FAM161A: variants seen among roughly 807,000 people sequenced by gnomAD.
FAM161A encodes the protein FAM161 centrosomal protein A.
Under a neutral mutation model 70.9 loss-of-function variants are expected in FAM161A, and 57 were observed. The ratio of observed to expected loss-of-function variants is 0.80; its 90% CI spans 0.65 to 1.00. The LOEUF (loss-of-function observed/expected upper bound fraction) is 1.00, where lower values mean the gene tolerates loss of function less well. Ranked by LOEUF, FAM161A falls within the 50% of genes least tolerant of loss-of-function variation. The pLI is 0.00. For missense variants in FAM161A, 880 were observed against 836.0 expected (o/e 1.05, Z -0.65); for synonymous variants, 299 against 295.7 (o/e 1.01, Z -0.12).
intron 5 of FAM161A, among the ~76,000 whole-genome samples, chr2:61,833,196 A>G (rs1262564987): frequency 1.3e-5 from 2 of 152,080 alleles, no homozygotes; most frequent in Non-Finnish European, 2.9e-5. Context: ...AGGCCAATGC[A>G]GACGGATCAT....
chr2:61,839,969 A>T lies in FAM161A; in HGVS notation c.1035T>A (p.Phe345Leu). ...GATTTGTTTTCTTTTTATACTTAAG[A>T]AAGTCTCTCAGCTGCTTTTCCCGGG... ...RAAREKQLRD[F>L]LKYKKKTNRF... The change falls in exon 3 of 7, where the codon TTT becomes TTA. Residue 345 changes from phenylalanine (F) to leucine (L), a missense_variant. Physicochemically the swap from Phe to Leu is conservative, Grantham distance 22. Transcript: ENST00000404929. The T allele has an allele frequency of 6.2e-7, 1 of 1,614,042 alleles. No homozygotes were observed. The highest frequency in any genetic ancestry group is 1.3e-5 in the African/African-American group (1 of 74,920).
At chr2:61,830,534 A>T (rs1402055331) in intron 5 of FAM161A, among the ~76,000 whole-genome samples, 3 of 151,894 alleles carry the variant, frequency 2.0e-5, no homozygotes, top group Non-Finnish European at 4.4e-5. Context: ...TACAAAAAAA[A>T]TTAGCCGGGC....
At chr2:61,838,881 TTTATTTATTTA>T (rs1672878383) in intron 3 of FAM161A, among the ~76,000 whole-genome samples, 176 bp from the exon 4 acceptor site, 2 of 144,420 alleles carry the variant, frequency 1.4e-5, no homozygotes, top group Non-Finnish European at 3.0e-5. Context: ...TATTTATTTA[TTTATTTATTTA>T]TTTTTTTTGA....
At chr2:61,820,073 T>C (rs937810495), downstream of FAM161A, 3 of 311,838 alleles carry the variant, frequency 9.6e-6, no homozygotes, top group South Asian at 5.0e-5. Flanking sequence ...TTATACAGTA[T>C]ATTTAATGAT....
chr2:61,849,251 G>A (rs981827340), intron 1 of FAM161A, among the ~76,000 whole-genome samples: 3 of 147,072 alleles, frequency 2.0e-5, no homozygotes, highest in Non-Finnish European at 4.4e-5. Flanking sequence ...TGAAACAGTG[G>A]CTACCATTAG....
downstream of FAM161A, among the ~76,000 whole-genome samples, chr2:61,823,093 G>C (rs538586618): frequency 7.9e-5 from 12 of 151,470 alleles, no homozygotes; most frequent in African/African-American, 2.9e-4. Context: ...CCAGCACTTT[G>C]GGAGGCCGAG....
chr2:61,826,315 T>G lies in FAM161A; in HGVS notation c.*140A>C. Reference sequence around the variant, plus strand: ...AATGACCAATCAGCTGGATTCAGGCTTTTCAGGCTACAGATGACTTTGATC... The same window carrying G: ...AATGACCAATCAGCTGGATTCAGGCGTTTCAGGCTACAGATGACTTTGATC... On this transcript the variant is annotated 3_prime_UTR_variant, in exon 7 of 7. Transcript: ENST00000404929. 1.1e-6 allele frequency: 1 copy of G among 908,864 alleles called. No individual in the cohort carries two copies. The highest frequency in any genetic ancestry group is 1.8e-6 in the Non-Finnish European group (1 of 563,146). 56.3% of individuals were successfully genotyped at this position (908,864 alleles called of 1,614,324 possible). A position where few individuals can be genotyped will look rare whatever the true frequency, so the allele number is the denominator to read the frequency against.
chr2:61,828,584 T>C (rs573300429), intron 5 of FAM161A, among the ~76,000 whole-genome samples: 25 of 152,270 alleles, frequency 1.6e-4, no homozygotes, highest in Non-Finnish European at 3.7e-4. Flanking sequence ...GGCCTTGGCC[T>C]CCCAAAGTGC....
intron 1 of FAM161A, among the ~76,000 whole-genome samples, chr2:61,843,461 T>C (rs988506564): frequency 6.6e-6 from 1 of 152,204 alleles, no homozygotes; most frequent in Non-Finnish European, 1.5e-5. Flanking sequence ...ACTAAAGAGA[T>C]AAAACCCCAT....
At chr2:61,844,948 C>G (rs1384578467) in intron 1 of FAM161A, among the ~76,000 whole-genome samples, 1 of 152,086 alleles carries the variant, frequency 6.6e-6, no homozygotes, top group African/African-American at 2.4e-5. Context: ...ACAAAGTTTG[C>G]CAGATCAGGG....
downstream of FAM161A, among the ~76,000 whole-genome samples, chr2:61,822,150 G>T (rs576974734): frequency 6.6e-6 from 1 of 151,590 alleles, no homozygotes; most frequent in African/African-American, 2.4e-5. Flanking sequence ...GTTATTCCTG[G>T]CCAGGCACAG....
At chr2:61,844,127 A>C (rs1053117760) in intron 1 of FAM161A, among the ~76,000 whole-genome samples, 1 of 152,240 alleles carries the variant, frequency 6.6e-6, no homozygotes, top group African/African-American at 2.4e-5. Context: ...TAGGCGACAG[A>C]GCGAGACTCT....
At chr2:61,822,735 T>C (rs965234535), downstream of FAM161A, among the ~76,000 whole-genome samples, 1 of 152,052 alleles carries the variant, frequency 6.6e-6, no homozygotes, top group Non-Finnish European at 1.5e-5. Flanking sequence ...TATAGGCATA[T>C]GCTACCACAC....
rs1252944847 is a variant in FAM161A at position 61,840,004 on chromosome 2, T to C, written c.1000A>G (p.Lys334Glu). The part of the protein sequence containing the change: ...PFKFIAREEQ[K>E]RAAREKQLRD... ...AGCTGCTTTTCCCGGGCTGCTCGCT[T>C]CTGTTCCTCCCTTGCTATAAATTTA... The change falls in exon 3 of 7, where the codon AAG becomes GAG. Residue 334 changes from lysine (K) to glutamate (E), a missense_variant. Coordinates refer to ENST00000404929, the MANE Select transcript of FAM161A (RefSeq NM_001201543.2). 6.2e-7 allele frequency: 1 copy of C among 1,614,136 alleles called. No homozygotes were observed. The highest frequency in any genetic ancestry group is 8.5e-7 in the Non-Finnish European group (1 of 1,180,046).
the FAM161A span, among the ~76,000 whole-genome samples, chr2:61,807,966 T>C: frequency 7.9e-5 from 12 of 152,046 alleles, no homozygotes; most frequent in African/African-American, 2.9e-4. Flanking sequence ...CCACACAAAG[T>C]GTGGGCCCAG....
Position 61,825,600 on chromosome 2 carries a change from A to C in FAM161A, c.*855T>G. ...ATTTAACAGTAAACTCTCAGTGCAA[A>C]AATAAATGTAAATTTGCAAGTATCC... is the stretch of plus-strand genomic sequence containing the variant. On this transcript the variant is annotated 3_prime_UTR_variant, in exon 7 of 7. Coordinates refer to ENST00000404929, the MANE Select transcript of FAM161A (RefSeq NM_001201543.2). 1 of 442,818 alleles carries C rather than the reference A, an allele frequency of 2.3e-6. No individual in the cohort carries two copies. Among genetic ancestry groups the C allele is most frequent in the Non-Finnish European group, 4.5e-6 (1 of 224,130 alleles). The allele number at this position is 442,818 out of a possible 1,614,324, so 27.4% of individuals were successfully genotyped here. A position where few individuals can be genotyped will look rare whatever the true frequency, so the allele number is the denominator to read the frequency against.
intron 5 of FAM161A, among the ~76,000 whole-genome samples, chr2:61,832,167 C>T (rs1237205429): frequency 6.6e-6 from 1 of 151,494 alleles, no homozygotes; most frequent in Non-Finnish European, 1.5e-5. Flanking sequence ...ATTGCCTGAG[C>T]CCAAGGGGTT....
chr2:61,815,031 C>T, the FAM161A span, among the ~76,000 whole-genome samples: 35 of 152,294 alleles, frequency 2.3e-4, no homozygotes, highest in Middle Eastern at 3.4e-3. Context: ...AAATCAGTCA[C>T]TATCTGTGGG....
intron 5 of FAM161A, among the ~76,000 whole-genome samples, chr2:61,834,253 G>A (rs139217228): frequency 1.2e-4 from 18 of 152,100 alleles, no homozygotes; most frequent in Admixed American, 3.9e-4. Flanking sequence ...AAGCAGAAAC[G>A]GAAAACCAAA....
Sources: gnomAD v4.1 joint callset for allele counts (sites outside exome capture counted in the v4.1 genomes callset) on GRCh38, gnomAD v4.1.1 for gene constraint, MANE v1.5 for transcripts, NCBI Gene and HGNC (gene_info 2026-07-23, HGNC 2026-07-21) for gene names.